Variants in STK10 observed in about 807,000 individuals in gnomAD.
STK10 encodes the protein serine/threonine kinase 10, also known as serine/threonine-protein kinase 10.
STK10 carries 78 observed loss-of-function variants against 113.8 expected under a neutral mutation model. The observed-to-expected ratio is 0.69, with a 90% confidence interval of 0.57 to 0.83. The LOEUF (loss-of-function observed/expected upper bound fraction) is 0.83, where lower values mean the gene tolerates loss of function less well. Among genes scored for constraint, STK10 ranks in the 40% least tolerant of loss-of-function variants. The pLI is 0.00. For missense variants in STK10, 1,109 were observed against 1,280.1 expected (o/e 0.87, Z 2.04); for synonymous variants, 465 against 494.7 (o/e 0.94, Z 0.80).
chr5:172,058,406 T>C (rs533963786), intron 14 of STK10, among the ~76,000 whole-genome samples: 112 of 152,286 alleles, frequency 7.4e-4, no homozygotes, highest in Admixed American at 9.8e-4. Context: ...CCACATCAAA[T>C]AATAAGAGGT....
chr5:172,059,979 G>A (rs1201897787), intron 14 of STK10, among the ~76,000 whole-genome samples: 3 of 152,176 alleles, frequency 2.0e-5, no homozygotes, highest in African/African-American at 7.2e-5. Context: ...CTAAACGTTT[G>A]TGTCCCCTCC....
intron 2 of STK10, among the ~76,000 whole-genome samples, chr5:172,145,821 C>A (rs1322051583): frequency 6.6e-6 from 1 of 152,200 alleles, no homozygotes; most frequent in Non-Finnish European, 1.5e-5. Context: ...TAGCTCAGAA[C>A]CTGGTGTCCA....
Position 172,093,994 on chromosome 5 carries a change from T to C in STK10, c.1006-34A>G, listed in dbSNP as rs755992435. ...ATATATATATATATATTAAAGGCCA[T>C]GCTGCTGTATGTTCAAGGCAAGAGT... On this transcript the variant is annotated intron_variant, in intron 8 of 18. Transcript: ENST00000176763. The surrounding 1 kb of genome is among the most constrained non-coding windows in gnomAD (Gnocchi z 4.1). 1.5e-6 allele frequency: 2 copies of C among 1,322,984 alleles called. No homozygotes were observed. Among genetic ancestry groups the C allele is most frequent in the Non-Finnish European group, 9.7e-7 (1 of 1,025,938 alleles). 82.0% of individuals were successfully genotyped at this position (1,322,984 alleles called of 1,614,324 possible). A position where few individuals can be genotyped will look rare whatever the true frequency, so the allele number is the denominator to read the frequency against.
chr5:172,050,075 T>C (rs149938520), intron 18 of STK10, among the ~76,000 whole-genome samples: 3,096 of 152,368 alleles, frequency 0.02, 107 homozygotes, highest in African/African-American at 0.069. Context: ...AGTGCTGGGA[T>C]TACAGGTGTG....
At chr5:172,169,180 T>C (rs1770621729) in intron 1 of STK10, among the ~76,000 whole-genome samples, 1 of 152,094 alleles carries the variant, frequency 6.6e-6, no homozygotes, top group African/African-American at 2.4e-5. Flanking sequence ...CCGACTAGAA[T>C]CTCTTTGCAC....
At chr5:172,092,563 A>T (rs1768738502) in intron 9 of STK10, 1 of 152,160 alleles carries the variant, frequency 6.6e-6, no homozygotes, top group South Asian at 2.1e-4. Flanking sequence ...CCCTGCCTAA[A>T]GCTGATTGGC....
chr5:172,057,143 C>T lies in STK10; in HGVS notation c.2337+206G>A, dbSNP rs191672104. ...ACTTGGGCCATTGGCTTCCCTGCATCGTTTCCCCTATTCCTAGCCCCTTGA... is the reference window on the plus strand; with the variant it reads ...ACTTGGGCCATTGGCTTCCCTGCATTGTTTCCCCTATTCCTAGCCCCTTGA... On this transcript the variant is annotated intron_variant, in intron 15 of 18. Transcript: ENST00000176763. 39 of 609,092 alleles carry T rather than the reference C, an allele frequency of 6.4e-5. 1 individual carries two copies. Among genetic ancestry groups the T allele is most frequent in the African/African-American group, 6.2e-4 (33 of 53,370 alleles). The allele number at this position is 609,092 out of a possible 1,614,324, so 37.7% of individuals were successfully genotyped here. A position where few individuals can be genotyped will look rare whatever the true frequency, so the allele number is the denominator to read the frequency against.
At chr5:172,182,280 G>A (rs1373860850) in intron 1 of STK10, among the ~76,000 whole-genome samples, 88 of 143,974 alleles carry the variant, frequency 6.1e-4, no homozygotes, top group Non-Finnish European at 1.4e-4. Context: ...TCCAGCCTGG[G>A]TGACAGAGCT....
intron 2 of STK10, among the ~76,000 whole-genome samples, chr5:172,141,839 T>C (rs1769978836): frequency 6.6e-6 from 1 of 152,182 alleles, no homozygotes; most frequent in Non-Finnish European, 1.5e-5. Context: ...CAAAGGAAAC[T>C]GGACACCTGT....
intron 1 of STK10, among the ~76,000 whole-genome samples, chr5:172,185,609 A>C (rs1035389955): frequency 2.6e-5 from 4 of 152,162 alleles, no homozygotes; most frequent in Non-Finnish European, 5.9e-5. Flanking sequence ...ACACCAACTG[A>C]ACCTTCTGGA....
intron 1 of STK10, among the ~76,000 whole-genome samples, chr5:172,164,577 T>C (rs1377998116): frequency 6.6e-6 from 1 of 152,206 alleles, no homozygotes; most frequent in African/African-American, 2.4e-5. Context: ...AAATTCCATG[T>C]ATCTGACAGC....
intron 12 of STK10, among the ~76,000 whole-genome samples, chr5:172,073,752 G>T (rs1462093535): frequency 1.4e-5 from 2 of 139,516 alleles, no homozygotes; most frequent in South Asian, 4.5e-4. Context: ...TTCCAGACCA[G>T]CTTGGCCAAC....
At position 172,162,369 on chromosome 5, in the gene STK10, A is replaced by G. The variant is rs141241671; in HGVS notation, c.157-5581T>C. The stretch of plus-strand genomic sequence containing the variant: ...TAAATAAATAAAAATTAAAATTAAA[A>G]AAAGCTTGTTTAGAATGCCTTAGCC... On this transcript the variant is annotated intron_variant, in intron 1 of 18. Coordinates refer to ENST00000176763, the MANE Select transcript of STK10 (RefSeq NM_005990.4). Among the ~76,000 whole-genome samples, 5 of 152,204 alleles carry G rather than the reference A, an allele frequency of 3.3e-5. No homozygotes were observed. In the East Asian group the frequency reaches 9.6e-4, roughly 29 times the overall value.
At chr5:172,149,762 T>C (rs1239118696) in intron 2 of STK10, among the ~76,000 whole-genome samples, 1 of 152,090 alleles carries the variant, frequency 6.6e-6, no homozygotes, top group African/African-American at 2.4e-5. Flanking sequence ...AAGACCTCCT[T>C]GGGCCGGGCG....
At chr5:172,087,107 AGTGTGTGT>A (rs201052929) in intron 10 of STK10, among the ~76,000 whole-genome samples, 3,803 of 128,910 alleles carry the variant, frequency 0.03, 79 homozygotes, top group African/African-American at 0.048. Context: ...AGATGACACC[AGTGTGTGT>A]GTGTGTGTGT....
In STK10 at chr5:172,082,932, T is replaced by G. The variant is rs372428570; in HGVS notation, c.1809+29A>C. On this transcript the variant is annotated intron_variant, in intron 11 of 18. Transcript: ENST00000176763. The surrounding 1 kb of genome is among the most constrained non-coding windows in gnomAD (Gnocchi z 4.3). ...GAGAACACCTGGAGGCAAGAAGCCC[T>G]GCAGGGTCCCATCTTTTCTCGCACT... is the stretch of plus-strand genomic sequence containing the variant. The G allele has an allele frequency of 1.2e-6, 2 of 1,611,288 alleles. No individual in the cohort carries two copies. The highest frequency in any genetic ancestry group is 2.7e-5 in the African/African-American group (2 of 74,816).
At chr5:172,047,672 C>T (rs1767519449) in intron 18 of STK10, among the ~76,000 whole-genome samples, 1 of 152,104 alleles carries the variant, frequency 6.6e-6, no homozygotes, top group Admixed American at 6.6e-5. Context: ...CCTGTCCAGA[C>T]CACAGTTACA....
At position 172,156,798 on chromosome 5, in the gene STK10, G is replaced by A; in HGVS notation, c.157-10C>T. The A allele has an allele frequency of 6.2e-7, 1 of 1,607,998 alleles. No homozygotes were observed. The stretch of plus-strand genomic sequence containing the variant: ...TCTCCTTATTCTTGGCCTGCAAAGA[G>A]GAGATACAGGAGGTCAACAAGGCAT... On this transcript the variant is annotated splice_polypyrimidine_tract_variant and intron_variant, in intron 1 of 18. Coordinates refer to ENST00000176763, the MANE Select transcript of STK10 (RefSeq NM_005990.4).
chr5:172,073,874 A>G (rs1315674077), intron 12 of STK10, among the ~76,000 whole-genome samples: 1 of 150,790 alleles, frequency 6.6e-6, no homozygotes, highest in Non-Finnish European at 1.5e-5. Context: ...CTGAGGCAAG[A>G]GAAACGCTTG....
Sources: gnomAD v4.1 joint callset for allele counts (sites outside exome capture counted in the v4.1 genomes callset) on GRCh38, gnomAD v4.1.1 for gene constraint, Gnocchi (gnomAD v3.1) non-coding constraint, MANE v1.5 for transcripts, NCBI Gene and HGNC (gene_info 2026-07-23, HGNC 2026-07-21) for gene names.